Variants in TECTA observed in about 807,000 individuals in gnomAD.
The protein encoded by TECTA is alpha-tectorin.
Under a neutral mutation model 216.8 loss-of-function variants are expected in TECTA, and 128 were observed. The ratio of observed to expected loss-of-function variants is 0.59; its 90% CI spans 0.51 to 0.68. TECTA has a LOEUF of 0.68. Ranked by LOEUF, TECTA falls within the 30% of genes least tolerant of loss-of-function variation. TECTA has a pLI of 0.00. For missense variants in TECTA, 2,551 were observed against 2,786.2 expected (o/e 0.92, Z 1.90); for synonymous variants, 1,089 against 1,117.1 (o/e 0.97, Z 0.50).
At chr11:121,167,940 C>T (rs1947071260) in intron 18 of TECTA, 114 bp from the exon 19 acceptor site, 1 of 1,268,524 alleles carries the variant, frequency 7.9e-7, no homozygotes, top group South Asian at 1.2e-5. Flanking sequence ...ATACTGGCCT[C>T]TAAATTATGT....
chr11:121,173,192 A>G (rs1157109747), intron 20 of TECTA, among the ~76,000 whole-genome samples: 1 of 151,812 alleles, frequency 6.6e-6, no homozygotes, highest in Non-Finnish European at 1.5e-5. Context: ...TCTTTAGTTT[A>G]ATTAGATCCC....
chr11:121,134,531 C>T (rs988470978), intron 10 of TECTA, among the ~76,000 whole-genome samples: 18 of 151,968 alleles, frequency 1.2e-4, no homozygotes, highest in African/African-American at 3.4e-4. Context: ...CGGCTTCTGT[C>T]GGCCACCACA....
intron 11 of TECTA, 67 bp from the exon 12 acceptor site, chr11:121,145,488 C>T (rs574604890): frequency 1.1e-4 from 164 of 1,549,944 alleles, no homozygotes; most frequent in Admixed American, 1.3e-4. Flanking sequence ...AGAGACTCAT[C>T]GTTAGGAGAA....
chr11:121,187,509 G>A (rs894736052), intron 20 of TECTA, among the ~76,000 whole-genome samples: 24 of 152,234 alleles, frequency 1.6e-4, no homozygotes, highest in African/African-American at 5.1e-4. Flanking sequence ...ATTGGTATCG[G>A]TAGAACACAA....
At chr11:121,130,794 A>G (rs539280438) in intron 10 of TECTA, among the ~76,000 whole-genome samples, 1 of 152,200 alleles carries the variant, frequency 6.6e-6, no homozygotes, top group Non-Finnish European at 1.5e-5. Context: ...GGGAAGCCAC[A>G]GGGAGAAGTA....
chr11:121,102,353 G>A (rs1474072323), intron 1 of TECTA, among the ~76,000 whole-genome samples: 1 of 152,152 alleles, frequency 6.6e-6, no homozygotes, highest in East Asian at 1.9e-4. Context: ...TTTATTTGAT[G>A]CAGAGGGGAT....
intron 3 of TECTA, among the ~76,000 whole-genome samples, chr11:121,106,561 G>GT (rs1477965951): frequency 6.6e-6 from 1 of 152,074 alleles, no homozygotes; most frequent in Non-Finnish European, 1.5e-5. Context: ...TTTGTTTTTG[G>GT]TTTTTTGGAT....
chr11:121,186,316 G>T (rs933846299), intron 20 of TECTA, among the ~76,000 whole-genome samples: 1 of 152,250 alleles, frequency 6.6e-6, no homozygotes, highest in Non-Finnish European at 1.5e-5. Context: ...GGGACATGCA[G>T]GCCACTTCTC....
chr11:121,166,481 C>A, intron 17 of TECTA, 97 bp from the exon 18 acceptor site: 1 of 1,264,434 alleles, frequency 7.9e-7, no homozygotes, highest in Non-Finnish European at 1.1e-6. Context: ...AGGTCATTTG[C>A]CTCTTCTAAA....
At chr11:121,122,624 T>G (rs896050442) in intron 7 of TECTA, among the ~76,000 whole-genome samples, 3 of 131,298 alleles carry the variant, frequency 2.3e-5, no homozygotes, top group Non-Finnish European at 4.6e-5. Flanking sequence ...TTGCTTGAGC[T>G]CAGGAGTTCA....
intron 12 of TECTA, among the ~76,000 whole-genome samples, chr11:121,149,646 A>G (rs1377183911): frequency 6.6e-6 from 1 of 152,206 alleles, no homozygotes; most frequent in Admixed American, 6.5e-5. Context: ...CGAGGCCTCA[A>G]ATCCAGGTTG....
At chr11:121,158,685 A>G (rs928613866) in intron 14 of TECTA, among the ~76,000 whole-genome samples, 4 of 152,098 alleles carry the variant, frequency 2.6e-5, no homozygotes, top group African/African-American at 9.7e-5. Context: ...CAATCTGAGT[A>G]AAAACCTGAC....
intron 20 of TECTA, among the ~76,000 whole-genome samples, chr11:121,178,259 C>T (rs534207587): frequency 7.9e-5 from 12 of 152,320 alleles, no homozygotes; most frequent in African/African-American, 2.2e-4. Flanking sequence ...AGAAATCACC[C>T]GTCTTCTGCG....
chr11:121,137,143 C>T (rs900217951), intron 10 of TECTA, among the ~76,000 whole-genome samples: 10 of 152,210 alleles, frequency 6.6e-5, no homozygotes, highest in East Asian at 1.9e-4. Context: ...TGCACACACA[C>T]GTGCACATGC....
intron 12 of TECTA, among the ~76,000 whole-genome samples, chr11:121,148,155 G>A (rs1026353431): frequency 1.3e-5 from 2 of 152,114 alleles, no homozygotes; most frequent in African/African-American, 4.8e-5. Flanking sequence ...TCTACTCATG[G>A]CACCCAGAGC....
rs139116323 is a variant in TECTA at position 121,101,901 on chromosome 11, A to G, written c.-2+459A>G. Among the ~76,000 whole-genome samples the G allele has an allele frequency of 7.0e-3, 1,065 of 152,340 alleles. 13 individuals are homozygous for G. The highest frequency in any genetic ancestry group is 0.024 in the African/African-American group (1,018 of 41,570). On this transcript the variant is annotated intron_variant, in intron 1 of 23. Transcript: ENST00000392793. ...GCTCCTGATGGAGGGTAAAGCCACC[A>G]TGCAACCGATTGTAAACTAACACGA...
intron 20 of TECTA, among the ~76,000 whole-genome samples, chr11:121,179,843 G>A (rs1189846789): frequency 2.6e-5 from 4 of 151,924 alleles, no homozygotes; most frequent in Non-Finnish European, 5.9e-5. Flanking sequence ...AGCTACTCCT[G>A]CTTGCTTTTG....
chr11:121,149,396 A>G (rs1052228384), intron 12 of TECTA, among the ~76,000 whole-genome samples: 3 of 152,222 alleles, frequency 2.0e-5, no homozygotes, highest in African/African-American at 4.8e-5. Flanking sequence ...CATCTAATAA[A>G]TTCCTGTTGA....
At chr11:121,108,585 T>C in intron 3 of TECTA, among the ~76,000 whole-genome samples, 1 of 125,594 alleles carries the variant, frequency 8.0e-6, no homozygotes, top group Admixed American at 8.1e-5. Context: ...CACATCCCAG[T>C]ATACACACAC....
Sources: gnomAD v4.1 joint callset for allele counts (sites outside exome capture counted in the v4.1 genomes callset) on GRCh38, gnomAD v4.1.1 for gene constraint, MANE v1.5 for transcripts, NCBI Gene and HGNC (gene_info 2026-07-23, HGNC 2026-07-21) for gene names.